SNX13: variants seen among roughly 807,000 people sequenced by gnomAD.
The protein encoded by SNX13 is sorting nexin-13.
SNX13 carries 45 observed loss-of-function variants against 133.6 expected under a neutral mutation model. The observed-to-expected ratio is 0.34, with a 90% CI of 0.27 to 0.43. The LOEUF is 0.43. Ranked by LOEUF, SNX13 falls within the 20% of genes least tolerant of loss-of-function variation. SNX13 has a pLI of 1.00. For missense variants in SNX13, 1,032 were observed against 1,145.1 expected (o/e 0.90, Z 1.43); for synonymous variants, 414 against 373.9 (o/e 1.11, Z -1.24).
At position 17,940,449 on chromosome 7, in the gene SNX13, C is replaced by G. The variant is rs758734583; in HGVS notation, c.-154G>C. 1.9e-4 allele frequency: 157 copies of G among 834,144 alleles called. No individual in the cohort carries two copies. Among genetic ancestry groups the G allele is most frequent in the Admixed American group, 8.2e-4 (41 of 50,146 alleles). 51.7% of individuals were successfully genotyped at this position (834,144 alleles called of 1,614,324 possible). ...TTTTACTCGGCTTCGCTGGCCTCCCCTCGGCCCGGTCGCTCGCGACGGACG... is the reference window on the plus strand; with the variant it reads ...TTTTACTCGGCTTCGCTGGCCTCCCGTCGGCCCGGTCGCTCGCGACGGACG... On this transcript the variant is annotated 5_prime_UTR_variant, in exon 1 of 26. Transcript: ENST00000428135.
chr7:17,835,820 C>T (rs528577309), intron 13 of SNX13, among the ~76,000 whole-genome samples: 3 of 151,976 alleles, frequency 2.0e-5, no homozygotes, highest in South Asian at 2.1e-4. Context: ...GTCAATTTGA[C>T]GCTTTTGTTA....
intron 11 of SNX13, among the ~76,000 whole-genome samples, chr7:17,847,341 G>T (rs571752117): frequency 1.9e-4 from 28 of 151,180 alleles, no homozygotes; most frequent in Non-Finnish European, 3.2e-4. Context: ...TTGTTTGTTT[G>T]TTTTTTTGAG....
intron 16 of SNX13, among the ~76,000 whole-genome samples, chr7:17,829,430 G>A (rs1287354698): frequency 1.3e-5 from 2 of 151,406 alleles, no homozygotes; most frequent in African/African-American, 4.8e-5. Context: ...AAATGCCAAT[G>A]ACAGTTGAGA....
At chr7:17,937,350 A>G (rs1267337431) in intron 1 of SNX13, among the ~76,000 whole-genome samples, 1 of 151,926 alleles carries the variant, frequency 6.6e-6, no homozygotes, top group Non-Finnish European at 1.5e-5. Flanking sequence ...AAAGGTTTCA[A>G]TTAGAGATAT....
intron 1 of SNX13, among the ~76,000 whole-genome samples, chr7:17,925,282 GAGTA>G (rs1800617936): frequency 6.6e-6 from 1 of 152,176 alleles, no homozygotes; most frequent in African/African-American, 2.4e-5. Flanking sequence ...AAGAAGTGTG[GAGTA>G]AAAGGAGGAG....
At chr7:17,808,108 T>C (rs541628052) in intron 20 of SNX13, among the ~76,000 whole-genome samples, 14 of 152,210 alleles carry the variant, frequency 9.2e-5, no homozygotes, top group Admixed American at 3.9e-4. Flanking sequence ...GAGAATGAGA[T>C]TGACAAACTG....
chr7:17,861,029 T>C (rs1792610476), intron 9 of SNX13, among the ~76,000 whole-genome samples: 1 of 152,264 alleles, frequency 6.6e-6, no homozygotes, highest in Admixed American at 6.5e-5. Context: ...TTGTGTCTTT[T>C]TTTTGTGATG....
At chr7:17,848,368 C>T (rs1214372372) in intron 11 of SNX13, among the ~76,000 whole-genome samples, 2 of 152,102 alleles carry the variant, frequency 1.3e-5, no homozygotes, top group African/African-American at 4.8e-5. Flanking sequence ...TCCTGGACGC[C>T]GAGTAAGAGC....
In SNX13 at chr7:17,940,304, C is replaced by G. The variant is rs545520096; in HGVS notation, c.-9G>C. On this transcript the variant is annotated 5_prime_UTR_variant, in exon 1 of 26. Coordinates refer to ENST00000428135, the MANE Select transcript of SNX13 (RefSeq NM_015132.5). ...CTTACCTCAGTTAACATTATTACAC[C>G]CCGGGGAAGTGAGGTCCTCCCTAGC... is the stretch of plus-strand genomic sequence containing the variant. 94 of 1,566,248 alleles carry G rather than the reference C, an allele frequency of 6.0e-5. No individual in the cohort carries two copies. The South Asian group carries it at 1.1e-3, about 18-fold the overall frequency.
chr7:17,835,851 T>C (rs1789073192), intron 13 of SNX13, among the ~76,000 whole-genome samples: 1 of 151,964 alleles, frequency 6.6e-6, no homozygotes, highest in East Asian at 1.9e-4. Flanking sequence ...GTAGGTTGTG[T>C]GGTGGTTGTT....
At chr7:17,830,855 G>A (rs1048892320) in intron 15 of SNX13, 6 of 984,072 alleles carry the variant, frequency 6.1e-6, no homozygotes, top group Non-Finnish European at 7.2e-6. Flanking sequence ...TATGAATTTG[G>A]TTCTCTAAAT....
chr7:17,885,759 C>A (rs947554976), intron 5 of SNX13, among the ~76,000 whole-genome samples: 1 of 152,126 alleles, frequency 6.6e-6, no homozygotes, highest in East Asian at 1.9e-4. Flanking sequence ...ACCTGTGAGG[C>A]GGAAACTGCA....
chr7:17,901,600 A>G (rs752438043), intron 1 of SNX13, among the ~76,000 whole-genome samples: 19 of 152,094 alleles, frequency 1.2e-4, no homozygotes, highest in Non-Finnish European at 2.5e-4. Flanking sequence ...CTGAGTTCCA[A>G]TGCAAAGTCC....
intron 1 of SNX13, among the ~76,000 whole-genome samples, chr7:17,901,005 G>A (rs1797772396): frequency 1.3e-5 from 2 of 152,118 alleles, no homozygotes; most frequent in South Asian, 4.1e-4. Flanking sequence ...GATTATTCAG[G>A]GACCAAGGGC....
In SNX13 at chr7:17,847,980, C is replaced by T. The variant is rs546439613; in HGVS notation, c.1066-2286G>A. On this transcript the variant is annotated intron_variant, in intron 11 of 25. Coordinates refer to ENST00000428135, the MANE Select transcript of SNX13 (RefSeq NM_015132.5). ...CAGAAAAGGGTGGTCCCTGGCGAAA[C>T]ACCACCCCCTCAAGCCAAAAAGCCT... is the stretch of plus-strand genomic sequence containing the variant. Among the ~76,000 whole-genome samples, 89 of 152,238 alleles carry T rather than the reference C, an allele frequency of 5.8e-4. No homozygotes were observed. The South Asian group carries it at 0.018, about 31-fold the overall frequency.
Position 17,940,405 on chromosome 7 carries a change from G to T in SNX13, c.-110C>A. ...GCCAACGGCGGCAACTGCTCCTTCA[G>T]TCTTCTCCCGGGCGGCGGTTTTACT... is the stretch of plus-strand genomic sequence containing the variant. On this transcript the variant is annotated 5_prime_UTR_variant, in exon 1 of 26. The change creates a new upstream start codon in the 5' untranslated region. Transcript: ENST00000428135. 2 of 1,284,130 alleles carry T rather than the reference G, an allele frequency of 1.6e-6. No homozygotes were observed. The highest frequency in any genetic ancestry group is 2.2e-6 in the Non-Finnish European group (2 of 908,568). The allele number at this position is 1,284,130 out of a possible 1,614,324, so 79.5% of individuals were successfully genotyped here. A position where few individuals can be genotyped will look rare whatever the true frequency, so the allele number is the denominator to read the frequency against.
chr7:17,821,234 G>T (rs114573681), intron 18 of SNX13, among the ~76,000 whole-genome samples: 504 of 152,078 alleles, frequency 3.3e-3, no homozygotes, highest in African/African-American at 0.011. Context: ...ATACACACAC[G>T]CAAATTTTAA....
intron 6 of SNX13, 34 bp from the exon 7 acceptor site, chr7:17,875,615 TGAAAG>T: frequency 6.2e-7 from 1 of 1,608,822 alleles, no homozygotes; most frequent in South Asian, 1.1e-5. Flanking sequence ...TATAAAATGA[TGAAAG>T]GAAAACAGAT....
chr7:17,849,344 C>A (rs1001637364), intron 11 of SNX13, among the ~76,000 whole-genome samples: 1 of 152,168 alleles, frequency 6.6e-6, no homozygotes, highest in Non-Finnish European at 1.5e-5. Flanking sequence ...AGCACTATAT[C>A]CAGTCTCTAA....
Sources: gnomAD v4.1 joint callset for allele counts (sites outside exome capture counted in the v4.1 genomes callset) on GRCh38, gnomAD v4.1.1 for gene constraint, MANE v1.5 for transcripts, NCBI Gene and HGNC (gene_info 2026-07-23, HGNC 2026-07-21) for gene names.